The following KIFC3 variants were observed in gnomAD, a reference collection of about 807,000 sequenced individuals.
KIFC3 encodes kinesin-like protein KIFC3.
In KIFC3, 60 loss-of-function variants were observed where a neutral mutation model predicts 101.8. The observed-to-expected ratio is 0.59, with a 90% CI of 0.48 to 0.73. The LOEUF (loss-of-function observed/expected upper bound fraction) is 0.73. Among genes scored for constraint, KIFC3 ranks in the 30% least tolerant of loss-of-function variants. The pLI, the probability that KIFC3 is intolerant of heterozygous loss-of-function variation, is 0.00. For synonymous variants in KIFC3, 476 were observed against 482.7 expected (o/e 0.99, Z 0.18); for missense variants, 966 against 1,137.1 (o/e 0.85, Z 2.16).
chr16:57,777,809 G>A (rs1016023733), intron 3 of KIFC3, among the ~76,000 whole-genome samples: 3 of 152,112 alleles, frequency 2.0e-5, no homozygotes, highest in African/African-American at 7.2e-5. Context: ...GCAATGGAAT[G>A]GAATACAGAG....
At chr16:57,862,697 T>G (rs1175461341) in intron 1 of KIFC3, 2 of 1,000,506 alleles carry the variant, frequency 2.0e-6, no homozygotes, top group Non-Finnish European at 2.7e-6. Context: ...CCTCCTCCCA[T>G]TCCCACTGCC....
At chr16:57,821,829 C>G (rs1221081994) in intron 1 of KIFC3, among the ~76,000 whole-genome samples, 2 of 152,206 alleles carry the variant, frequency 1.3e-5, no homozygotes, top group Non-Finnish European at 2.9e-5. Context: ...GGGAGGATGA[C>G]TTGAGCCCAG....
At chr16:57,836,125 T>G (rs2055680678) in intron 1 of KIFC3, among the ~76,000 whole-genome samples, 1 of 152,130 alleles carries the variant, frequency 6.6e-6, no homozygotes, top group African/African-American at 2.4e-5. Flanking sequence ...TTCTCTGTTT[T>G]GCTTGTTTTG....
chr16:57,784,799 A>G (rs1343852344), intron 3 of KIFC3, among the ~76,000 whole-genome samples: 2 of 146,326 alleles, frequency 1.4e-5, no homozygotes, highest in African/African-American at 5.6e-5. Flanking sequence ...GAGATGCAGA[A>G]GGAGAAGAAA....
At chr16:57,784,569 G>A (rs2053120697) in intron 3 of KIFC3, among the ~76,000 whole-genome samples, 1 of 152,218 alleles carries the variant, frequency 6.6e-6, no homozygotes, top group Non-Finnish European at 1.5e-5. Context: ...TGGCTCATGG[G>A]ACACAGAAAG....
chr16:57,770,862 G>C (rs531059403), intron 6 of KIFC3, among the ~76,000 whole-genome samples, 162 bp from the exon 7 acceptor site: 1 of 152,094 alleles, frequency 6.6e-6, no homozygotes, highest in Non-Finnish European at 1.5e-5. Context: ...CCAGAAAGCT[G>C]GGGGGGTCTC....
At chr16:57,785,527 T>G in intron 3 of KIFC3, 1 of 1,288,522 alleles carries the variant, frequency 7.8e-7, no homozygotes, top group South Asian at 1.2e-5. Flanking sequence ...GCCTCTCCTG[T>G]AGGACCACCA....
At chr16:57,789,180 A>G (rs1266250736) in intron 3 of KIFC3, among the ~76,000 whole-genome samples, 1 of 152,218 alleles carries the variant, frequency 6.6e-6, no homozygotes, top group Non-Finnish European at 1.5e-5. Flanking sequence ...GACCCCCAGG[A>G]CTGCCAAGGA....
At chr16:57,829,772 C>T (rs570728060) in intron 1 of KIFC3, among the ~76,000 whole-genome samples, 5 of 152,266 alleles carry the variant, frequency 3.3e-5, no homozygotes, top group South Asian at 4.1e-4. Context: ...GCAGAGTTGA[C>T]GTCTGTCCTT....
In KIFC3 at chr16:57,769,541, C is replaced by T. The variant is rs782202998; in HGVS notation, c.1218+54G>A. 1.9e-6 allele frequency: 3 copies of T among 1,561,524 alleles called. No homozygotes were observed. The highest frequency in any genetic ancestry group is 2.6e-6 in the Non-Finnish European group (3 of 1,154,920). ...GGGACGCCCTGAGTGGATGTCGTGC[C>T]TCTCCCAGTGCACCCCCTTAGCCTG... On this transcript the variant is annotated intron_variant, in intron 9 of 19. Transcript: ENST00000445690. The surrounding 1 kb of genome is among the most constrained non-coding windows in gnomAD (Gnocchi z 4.3).
intron 1 of KIFC3, among the ~76,000 whole-genome samples, chr16:57,828,623 C>A (rs550429089): frequency 6.6e-6 from 1 of 152,210 alleles, no homozygotes; most frequent in Non-Finnish European, 1.5e-5. Flanking sequence ...CCGTCTCTGG[C>A]AGACCTGGGC....
intron 3 of KIFC3, chr16:57,785,505 C>T (rs1555617160): frequency 9.3e-6 from 12 of 1,289,004 alleles, no homozygotes; most frequent in African/African-American, 1.5e-5. Flanking sequence ...TGGTCACTGT[C>T]GCGGAGGGCC....
intron 7 of KIFC3, 113 bp downstream of exon 7, chr16:57,770,414 G>A (rs1260155298): frequency 1.0e-6 from 1 of 974,566 alleles, no homozygotes; most frequent in Non-Finnish European, 1.4e-6. Context: ...ATCGGGGAGA[G>A]GAGGGACTGG....
intron 3 of KIFC3, chr16:57,788,755 GC>G: frequency 7.8e-7 from 1 of 1,285,734 alleles, no homozygotes; most frequent in African/African-American, 1.5e-5. Flanking sequence ...AGGAGACTGT[GC>G]CAGGGAAGGA....
chr16:57,841,239 G>A (rs1017037694), intron 1 of KIFC3, among the ~76,000 whole-genome samples: 9 of 152,208 alleles, frequency 5.9e-5, no homozygotes, highest in African/African-American at 1.7e-4. Context: ...TTGAAGTAGG[G>A]AGTTGTAATT....
chr16:57,765,281 GTCTTAACTTCCCACCC>G, intron 11 of KIFC3, among the ~76,000 whole-genome samples, 162 bp downstream of exon 11: 1 of 152,170 alleles, frequency 6.6e-6, no homozygotes, highest in East Asian at 1.9e-4. Flanking sequence ...AAGGGCTTCA[GTCTTAACTTCCCACCC>G]TCTTCTGTCC....
At chr16:57,808,296 A>T (rs1275299364) in intron 1 of KIFC3, among the ~76,000 whole-genome samples, 1 of 152,172 alleles carries the variant, frequency 6.6e-6, no homozygotes, top group South Asian at 2.1e-4. Context: ...CCGCCCTGAG[A>T]GTAGCACGGG....
In KIFC3 at chr16:57,761,023, G is replaced by A. The variant is rs373027784; in HGVS notation, c.2002+19C>T. 2.6e-5 allele frequency: 41 copies of A among 1,603,964 alleles called. No homozygotes were observed. The highest frequency in any genetic ancestry group is 3.3e-5 in the Admixed American group (2 of 59,812). On this transcript the variant is annotated intron_variant, in intron 15 of 19. Transcript: ENST00000445690. ...TGGGGTTGTGGGGATCCTCAGGCCA[G>A]GCTGCCTGCCACTCTCACCCGTGGT...
At chr16:57,788,182 C>T (rs544279159) in intron 3 of KIFC3, among the ~76,000 whole-genome samples, 1 of 152,310 alleles carries the variant, frequency 6.6e-6, no homozygotes, top group South Asian at 2.1e-4. Flanking sequence ...ACCCTGGGGG[C>T]CCACGGATAG....
Sources: gnomAD v4.1 joint callset for allele counts (sites outside exome capture counted in the v4.1 genomes callset) on GRCh38, gnomAD v4.1.1 for gene constraint, Gnocchi (gnomAD v3.1) non-coding constraint, MANE v1.5 for transcripts, NCBI Gene and HGNC (gene_info 2026-07-23, HGNC 2026-07-21) for gene names.